Variants in NUP205 observed in about 807,000 individuals in gnomAD.
NUP205 encodes nuclear pore complex protein Nup205.
Under a neutral mutation model 253.8 loss-of-function variants are expected in NUP205, and 76 were observed. The ratio of observed to expected loss-of-function variants is 0.30; its 90% CI spans 0.25 to 0.36. NUP205 has a LOEUF of 0.36. NUP205 is among the 10% of genes least tolerant of loss of function. The pLI, the probability that NUP205 is intolerant of heterozygous loss-of-function variation, is 1.00. For synonymous variants in NUP205, 832 were observed against 850.1 expected, an observed-to-expected ratio of 0.98 and a Z score of 0.37; for missense variants, 2,162 against 2,425.5, an observed-to-expected ratio of 0.89 and a Z score of 2.28.
chr7:135,646,120 C>A, intron 41 of NUP205, 38 bp from the exon 42 acceptor site: 2 of 1,384,920 alleles, frequency 1.4e-6, no homozygotes, highest in Non-Finnish European at 2.1e-6. Context: ...TAGATAGGTA[C>A]TTGCACAGCC....
chr7:135,614,778 A>G (rs553952902), intron 23 of NUP205, among the ~76,000 whole-genome samples: 31 of 152,140 alleles, frequency 2.0e-4, no homozygotes, highest in Non-Finnish European at 3.8e-4. Flanking sequence ...TCTTATCGAG[A>G]TTCTACTTTA....
chr7:135,624,459 C>T (rs575449712), intron 31 of NUP205, among the ~76,000 whole-genome samples: 1 of 152,302 alleles, frequency 6.6e-6, no homozygotes, highest in Non-Finnish European at 1.5e-5. Context: ...TCACTGCAAC[C>T]TCTGCCTCCC....
chr7:135,623,801 G>A (rs1417938794), intron 31 of NUP205, among the ~76,000 whole-genome samples: 1 of 152,146 alleles, frequency 6.6e-6, no homozygotes, highest in East Asian at 1.9e-4. Context: ...GTTTGTTTTT[G>A]AGATGGAGTC....
In NUP205 at chr7:135,578,038, T is replaced by A. The variant is rs140087011; in HGVS notation, c.877+14T>A. On this transcript the variant is annotated intron_variant, in intron 6 of 42. Coordinates refer to ENST00000285968, the MANE Select transcript of NUP205 (RefSeq NM_015135.3). ...AGGAACGAGATGGTATTGAGTTTTA[T>A]ACATTTTCCTACATTAAAAAAATCA... 1,427 of 1,534,124 alleles carry A rather than the reference T, an allele frequency of 9.3e-4. 1 individual carries two copies. The highest frequency in any genetic ancestry group is 1.2e-3 in the Non-Finnish European group (1,297 of 1,110,524).
At chr7:135,585,564 T>C (rs539278282) in intron 8 of NUP205, among the ~76,000 whole-genome samples, 124 of 152,208 alleles carry the variant, frequency 8.1e-4, no homozygotes, top group African/African-American at 2.8e-3. Context: ...GATTTTTTTT[T>C]TTTTTGAGAT....
Position 135,595,280 on chromosome 7 carries a change from G to A in NUP205, c.2013+551G>A, listed in dbSNP as rs982876929. The stretch of plus-strand genomic sequence containing the variant: ...TGTTGGCAAGGATGGAGTGAGTACA[G>A]TTGTGTGATCTCAGCTCACTGTAGC... On this transcript the variant is annotated intron_variant, in intron 13 of 42. Transcript: ENST00000285968. Among the ~76,000 whole-genome samples the A allele has an allele frequency of 2.6e-5, 4 of 151,918 alleles. No homozygotes were observed. The East Asian group carries it at 5.8e-4, about 22-fold the overall frequency.
rs530304654 is a variant in NUP205 at position 135,648,742 on chromosome 7, A to T, written c.*186A>T. 1.6e-5 allele frequency: 6 copies of T among 375,368 alleles called. No individual in the cohort carries two copies. Among genetic ancestry groups the T allele is most frequent in the South Asian group, 1.5e-4 (1 of 6,886 alleles). 23.3% of individuals were successfully genotyped at this position (375,368 alleles called of 1,614,324 possible). A position where few individuals can be genotyped will look rare whatever the true frequency, so the allele number is the denominator to read the frequency against. On this transcript the variant is annotated 3_prime_UTR_variant, in exon 43 of 43. Transcript: ENST00000285968. ...CACTAGTAAAAAATAAATACTTTTT[A>T]AAAAAACAAAACAAATGTATGGTTA...
chr7:135,616,210 T>G, intron 24 of NUP205, 145 bp downstream of exon 24: 2 of 631,002 alleles, frequency 3.2e-6, no homozygotes, highest in East Asian at 2.9e-5. Context: ...CACAAAAATT[T>G]TAACTCATCT....
chr7:135,587,014 T>G (rs7782920), intron 8 of NUP205, among the ~76,000 whole-genome samples: 27,365 of 151,998 alleles, frequency 0.18, 2,602 homozygotes, highest in East Asian at 0.23. Context: ...GAGAGAGGAG[T>G]GTTGATATTT....
intron 27 of NUP205, among the ~76,000 whole-genome samples, chr7:135,618,013 G>C (rs1001885697): frequency 2.0e-5 from 3 of 151,798 alleles, no homozygotes; most frequent in African/African-American, 7.3e-5. Flanking sequence ...CAGGTGGGAA[G>C]AACCACATGA....
In NUP205 at chr7:135,576,967, A is replaced by G. The variant is rs756891656; in HGVS notation, c.489-2A>G. 2.6e-5 allele frequency: 41 copies of G among 1,604,494 alleles called. No individual in the cohort carries two copies. The highest frequency in any genetic ancestry group is 3.4e-5 in the Non-Finnish European group (40 of 1,177,652). ...TAGTTTATTGATTTCTTTTCATTAC[A>G]GTCCAGAGCTGGCTTCCATGACAAC... On this transcript the variant is annotated splice_acceptor_variant, in intron 4 of 42. Transcript: ENST00000285968. LOFTEE classifies it high-confidence loss of function.
intron 35 of NUP205, among the ~76,000 whole-genome samples, chr7:135,633,113 A>C (rs879807861): frequency 2.0e-4 from 30 of 151,946 alleles, no homozygotes; most frequent in Admixed American, 5.9e-4. Flanking sequence ...CTACAGGCAC[A>C]TGCTGTCACA....
intron 22 of NUP205, among the ~76,000 whole-genome samples, chr7:135,610,298 G>A (rs956624564): frequency 2.0e-5 from 3 of 152,112 alleles, no homozygotes; most frequent in East Asian, 1.9e-4. Context: ...TCAGCTCACC[G>A]CAACCTCCAC....
At chr7:135,628,971 G>A (rs1177530146) in intron 34 of NUP205, among the ~76,000 whole-genome samples, 4 of 152,194 alleles carry the variant, frequency 2.6e-5, no homozygotes, top group Non-Finnish European at 5.9e-5. Context: ...CCTAGATTGA[G>A]ATTAAGATTT....
chr7:135,640,857 C>A (rs1003738362), intron 38 of NUP205, among the ~76,000 whole-genome samples: 4 of 151,960 alleles, frequency 2.6e-5, no homozygotes, highest in African/African-American at 9.7e-5. Flanking sequence ...TAAAATAGTT[C>A]CTTTGGCTTA....
intron 35 of NUP205, among the ~76,000 whole-genome samples, chr7:135,635,097 C>T (rs1192218221): frequency 6.6e-6 from 1 of 151,616 alleles, no homozygotes. Context: ...TGGGTCATTT[C>T]GATTTAGGAA....
At chr7:135,597,217 T>G in intron 13 of NUP205, 151 bp from the exon 14 acceptor site, 1 of 509,294 alleles carries the variant, frequency 2.0e-6, no homozygotes, top group Non-Finnish European at 3.5e-6. Context: ...CTAATGAAAG[T>G]CCATCCAGGG....
In NUP205 at chr7:135,602,833, G is replaced by A; in HGVS notation, c.2541G>A (p.Gln847=). The A allele has an allele frequency of 6.2e-7, 1 of 1,613,730 alleles. No homozygotes were observed. The highest frequency in any genetic ancestry group is 8.5e-7 in the Non-Finnish European group (1 of 1,179,876). ...PGKKHLEKAV[Q]HCLALLNLTL... ...AAAAACACCTGGAGAAAGCAGTACA[G>A]CATTGCCTTGCACTTCTCAATCTTA... The change falls in exon 18 of 43, where the codon CAG becomes CAA. Residue 847 remains glutamine, a synonymous_variant. Coordinates refer to ENST00000285968, the MANE Select transcript of NUP205 (RefSeq NM_015135.3).
At chr7:135,600,997 A>T (rs1563123165) in intron 16 of NUP205, 28 bp downstream of exon 16, 4 of 1,203,360 alleles carry the variant, frequency 3.3e-6, no homozygotes, top group Non-Finnish European at 4.9e-6. Flanking sequence ...CTTTCAAACA[A>T]GTTGTCAACT....
Sources: allele counts gnomAD v4.1 joint callset (sites outside exome capture counted in the v4.1 genomes callset), GRCh38; gene constraint gnomAD v4.1.1; transcripts MANE v1.5; gene names NCBI Gene and HGNC (gene_info 2026-07-23, HGNC 2026-07-21).